Variants in DCC observed in about 807,000 individuals in gnomAD.
DCC encodes the protein netrin receptor DCC.
In DCC, 58 loss-of-function variants were observed where a neutral mutation model predicts 172.5. The ratio of observed to expected loss-of-function variants is 0.34; its 90% CI spans 0.27 to 0.42. The LOEUF is 0.42. Among genes scored for constraint, DCC ranks in the 10% least tolerant of loss-of-function variants. DCC has a pLI of 1.00. For synonymous variants in DCC, 709 were observed against 644.5 expected (o/e 1.10, Z -1.52); for missense variants, 1,740 against 1,791.0 (o/e 0.97, Z 0.51).
chr18:52,469,973 T>C (rs371402405), intron 1 of DCC, among the ~76,000 whole-genome samples: 6 of 152,236 alleles, frequency 3.9e-5, no homozygotes, highest in African/African-American at 1.4e-4. Flanking sequence ...TTTACTCACA[T>C]GGCAGAAGTG....
chr18:52,389,929 C>G (rs1985965423), intron 1 of DCC, among the ~76,000 whole-genome samples: 1 of 152,082 alleles, frequency 6.6e-6, no homozygotes. Flanking sequence ...ACTAACCTTT[C>G]ACACATATTG....
intron 14 of DCC, 72 bp from the exon 15 acceptor site, chr18:53,339,641 C>A (rs556411476): frequency 1.7e-6 from 2 of 1,152,114 alleles, no homozygotes; most frequent in Non-Finnish European, 2.6e-6. Context: ...ATTTCTCTTG[C>A]TTAAATGGTG....
At chr18:52,840,414 A>ACT in intron 2 of DCC, among the ~76,000 whole-genome samples, 2 of 152,336 alleles carry the variant, frequency 1.3e-5, no homozygotes, top group Middle Eastern at 3.4e-3. Context: ...TTTCTGATTT[A>ACT]CTAGTATTCA....
chr18:53,232,482 C>T (rs2056137589), intron 12 of DCC, among the ~76,000 whole-genome samples: 1 of 152,170 alleles, frequency 6.6e-6, no homozygotes, highest in African/African-American at 2.4e-5. Flanking sequence ...ATGATGCTGA[C>T]AAACTGCATG....
intron 5 of DCC, among the ~76,000 whole-genome samples, chr18:53,055,316 G>A (rs1452032496): frequency 6.6e-6 from 1 of 152,092 alleles, no homozygotes; most frequent in African/African-American, 2.4e-5. Flanking sequence ...GAGAAAACAT[G>A]TATAAAAGTA....
At chr18:53,002,111 G>C (rs140643059) in intron 5 of DCC, among the ~76,000 whole-genome samples, 1 of 152,096 alleles carries the variant, frequency 6.6e-6, no homozygotes, top group Non-Finnish European at 1.5e-5. Context: ...TGTTCATCTA[G>C]CCACATGTAA....
At chr18:53,102,491 C>T (rs549893092) in intron 7 of DCC, among the ~76,000 whole-genome samples, 2 of 152,000 alleles carry the variant, frequency 1.3e-5, no homozygotes, top group South Asian at 4.2e-4. Flanking sequence ...ATATAAAAGC[C>T]CTCTGCCTAA....
At position 52,603,027 on chromosome 18, in the gene DCC, C is replaced by T. The variant is rs148939931; in HGVS notation, c.92-149027C>T. 9.9e-5 allele frequency among the ~76,000 whole-genome samples: 15 copies of T among 152,154 alleles called. No individual in the cohort carries two copies. In the East Asian group the frequency reaches 2.9e-3, roughly 29 times the overall value. ...AAGAAAAGAGTATCTAATGGCCTTTCCTTGGATGAGTCAAAACACAGTGCT... is the reference window on the plus strand; with the variant it reads ...AAGAAAAGAGTATCTAATGGCCTTTTCTTGGATGAGTCAAAACACAGTGCT... On this transcript the variant is annotated intron_variant, in intron 1 of 28. Transcript: ENST00000442544.
chr18:53,240,725 C>G (rs2056279840), intron 12 of DCC, among the ~76,000 whole-genome samples: 1 of 152,090 alleles, frequency 6.6e-6, no homozygotes, highest in African/African-American at 2.4e-5. Context: ...ATGCACAGCA[C>G]CTAGAAGAGG....
intron 7 of DCC, among the ~76,000 whole-genome samples, chr18:53,135,584 C>T (rs570241586): frequency 6.6e-6 from 1 of 152,036 alleles, no homozygotes; most frequent in Non-Finnish European, 1.5e-5. Flanking sequence ...CGAATATTGC[C>T]ACCTAGGGCT....
At chr18:52,427,772 T>A (rs1181421746) in intron 1 of DCC, among the ~76,000 whole-genome samples, 1 of 151,984 alleles carries the variant, frequency 6.6e-6, no homozygotes, top group Non-Finnish European at 1.5e-5. Context: ...TTCTTCCTCA[T>A]AGAAATCAGA....
At chr18:52,537,220 TC>T (rs1176209463) in intron 1 of DCC, among the ~76,000 whole-genome samples, 1 of 152,148 alleles carries the variant, frequency 6.6e-6, no homozygotes, top group African/African-American at 2.4e-5. Flanking sequence ...TGCTTTTGCT[TC>T]AGGAAATAAA....
intron 1 of DCC, among the ~76,000 whole-genome samples, chr18:52,566,250 C>A (rs2033157710): frequency 6.6e-6 from 1 of 152,088 alleles, no homozygotes; most frequent in African/African-American, 2.4e-5. Flanking sequence ...TAATTCTCAG[C>A]AAACTAACAT....
At chr18:53,078,791 A>C (rs2042758381) in intron 7 of DCC, among the ~76,000 whole-genome samples, 1 of 152,134 alleles carries the variant, frequency 6.6e-6, no homozygotes, top group South Asian at 2.1e-4. Context: ...TTGACAAAAT[A>C]AATTTTTTCA....
chr18:53,322,199 T>A (rs1599023553), intron 14 of DCC, 42 bp downstream of exon 14: 2 of 1,046,970 alleles, frequency 1.9e-6, no homozygotes, highest in Non-Finnish European at 3.0e-6. Context: ...ATTATCTTCT[T>A]GTTATCTCAG....
At chr18:52,992,686 C>G (rs1342789247) in intron 5 of DCC, among the ~76,000 whole-genome samples, 1 of 152,112 alleles carries the variant, frequency 6.6e-6, no homozygotes, top group African/African-American at 2.4e-5. Flanking sequence ...AACCCTCCCC[C>G]TGATGACTTA....
chr18:53,335,952 C>A (rs2057586794), intron 14 of DCC, among the ~76,000 whole-genome samples: 1 of 152,128 alleles, frequency 6.6e-6, no homozygotes, highest in Non-Finnish European at 1.5e-5. Context: ...GATAATAGCA[C>A]AGGAAAGACC....
intron 12 of DCC, among the ~76,000 whole-genome samples, chr18:53,303,563 G>T (rs1454434834): frequency 6.6e-6 from 1 of 152,192 alleles, no homozygotes; most frequent in Admixed American, 6.5e-5. Context: ...TAGTGAAATG[G>T]GAGAATTACT....
chr18:52,865,958 T>A (rs957349219), intron 2 of DCC, among the ~76,000 whole-genome samples: 14 of 152,214 alleles, frequency 9.2e-5, no homozygotes, highest in South Asian at 4.1e-4. Context: ...GGTTATGAAG[T>A]CTTTGCCCAT....
Sources: allele counts gnomAD v4.1 joint callset (sites outside exome capture counted in the v4.1 genomes callset), GRCh38; gene constraint gnomAD v4.1.1; transcripts MANE v1.5; gene names NCBI Gene and HGNC (gene_info 2026-07-23, HGNC 2026-07-21).